Variants in COLEC12 observed in about 807,000 individuals in gnomAD.
COLEC12 encodes collectin subfamily member 12.
In COLEC12, 33 loss-of-function variants were observed where a neutral mutation model predicts 71.1. That is an observed-to-expected ratio of 0.46 (90% CI 0.35 to 0.62). The LOEUF is 0.62. Among genes scored for constraint, COLEC12 ranks in the 20% least tolerant of loss-of-function variants. The probability of loss-of-function intolerance (pLI) is 0.00; values close to 1 mark genes in which losing one functional copy is unlikely to be tolerated. For missense variants in COLEC12, 765 were observed against 916.1 expected, an observed-to-expected ratio of 0.84 and a Z score of 2.13; for synonymous variants, 350 against 353.0, an observed-to-expected ratio of 0.99 and a Z score of 0.10.
chr18:438,781 C>T (rs9945932), intron 2 of COLEC12, among the ~76,000 whole-genome samples: 4,522 of 142,342 alleles, frequency 0.032, 252 homozygotes, highest in African/African-American at 0.11. Context: ...GCAGCCTGGG[C>T]GACAGAATAA....
intron 2 of COLEC12, among the ~76,000 whole-genome samples, chr18:394,341 C>G (rs55639531): frequency 0.21 from 32,485 of 152,124 alleles, 4,303 homozygotes; most frequent in South Asian, 0.39. Flanking sequence ...ATTATTTGAT[C>G]CATTTTCTAA....
intron 1 of COLEC12, among the ~76,000 whole-genome samples, chr18:499,500 A>T (rs1463418783): frequency 2.6e-5 from 4 of 152,212 alleles, no homozygotes; most frequent in Non-Finnish European, 4.4e-5. Context: ...TAGAAGTCAA[A>T]GCGATTGCAT....
chr18:438,215 T>G (rs1416490412), intron 2 of COLEC12, among the ~76,000 whole-genome samples: 1 of 152,200 alleles, frequency 6.6e-6, no homozygotes, highest in Admixed American at 6.5e-5. Flanking sequence ...AAAGTCAAAG[T>G]GCCAGCATAA....
intron 8 of COLEC12, among the ~76,000 whole-genome samples, chr18:322,389 C>G (rs554043130): frequency 6.6e-6 from 1 of 152,292 alleles, no homozygotes; most frequent in East Asian, 1.9e-4. Context: ...AGGTTGATTG[C>G]TTTAGAAAGA....
chr18:406,515 C>CAAAAAAAAAAAAAAAAAA (rs34263909), intron 2 of COLEC12, among the ~76,000 whole-genome samples: 4 of 90,456 alleles, frequency 4.4e-5, no homozygotes, highest in African/African-American at 1.9e-4. Context: ...GACTCCGTCT[C>CAAAAAAAAAAAAAAAAAA]AAAAAAAAAA....
In COLEC12 at chr18:407,379, C is replaced by T. The variant is rs546942670; in HGVS notation, c.59-49857G>A. Among the ~76,000 whole-genome samples, 4 of 152,200 alleles carry T rather than the reference C, an allele frequency of 2.6e-5. No homozygotes were observed. The South Asian group carries it at 8.3e-4, about 32-fold the overall frequency. ...ATGCAGTTACGAAGCCTGGTAAGTA[C>T]CAAGATCTGCAGTCGGCAAGCTGGA... is the stretch of plus-strand genomic sequence containing the variant. On this transcript the variant is annotated intron_variant, in intron 2 of 9. Transcript: ENST00000400256.
At chr18:482,488 C>G (rs1326162972) in intron 1 of COLEC12, among the ~76,000 whole-genome samples, 2 of 152,142 alleles carry the variant, frequency 1.3e-5, no homozygotes, top group African/African-American at 4.8e-5. Flanking sequence ...GGGTCCATTA[C>G]TGCCCCAGCA....
intron 1 of COLEC12, among the ~76,000 whole-genome samples, chr18:488,080 T>C (rs1917552450): frequency 6.6e-6 from 1 of 151,768 alleles, no homozygotes; most frequent in South Asian, 2.1e-4. Flanking sequence ...GAGAAAATAA[T>C]ATATCTGGAA....
In COLEC12 at chr18:500,473, C is replaced by G. The variant is rs763953965; in HGVS notation, c.7+35G>C. The G allele has an allele frequency of 4.6e-5, 56 of 1,225,704 alleles. No homozygotes were observed. The South Asian group carries it at 1.7e-3, about 38-fold the overall frequency. 75.9% of individuals were successfully genotyped at this position (1,225,704 alleles called of 1,614,324 possible). A position where few individuals can be genotyped will look rare whatever the true frequency, so the allele number is the denominator to read the frequency against. On this transcript the variant is annotated intron_variant, in intron 1 of 9. Transcript: ENST00000400256. The surrounding 1 kb of genome is among the most constrained non-coding windows in gnomAD (Gnocchi z 5.3). ...CCGCGCGCCCCGAAGCCCGTTCCCC[C>G]CGCCCAGAGCCCCGCGGAGCTGCCG...
At chr18:371,380 C>G (rs1567887717) in intron 2 of COLEC12, among the ~76,000 whole-genome samples, 1 of 152,068 alleles carries the variant, frequency 6.6e-6, no homozygotes, top group Non-Finnish European at 1.5e-5. Context: ...ACTTTGAGCC[C>G]GTGGAAGATC....
chr18:439,761 CATT>C (rs1387969519), intron 2 of COLEC12, among the ~76,000 whole-genome samples: 9 of 151,998 alleles, frequency 5.9e-5, no homozygotes, highest in Non-Finnish European at 1.3e-4. Context: ...TTGGTGCAGT[CATT>C]ATGGAAAATA....
intron 2 of COLEC12, among the ~76,000 whole-genome samples, chr18:472,933 G>A (rs540086069): frequency 6.6e-6 from 1 of 151,802 alleles, no homozygotes; most frequent in Non-Finnish European, 1.5e-5. Flanking sequence ...GGAGGGGTGG[G>A]AGCAGTCAGC....
chr18:416,764 A>C lies in COLEC12; in HGVS notation c.59-59242T>G, dbSNP rs539555324. Among the ~76,000 whole-genome samples, 580 of 151,354 alleles carry C rather than the reference A, an allele frequency of 3.8e-3. 1 individual carries two copies. Among genetic ancestry groups the C allele is most frequent in the Non-Finnish European group, 7.1e-3 (483 of 67,860 alleles). ...AAGGTCCTTCAGGTCTCTGTACTTA[A>C]AGTTTTAAAATATAATATAATAATT... On this transcript the variant is annotated intron_variant, in intron 2 of 9. Coordinates refer to ENST00000400256, the MANE Select transcript of COLEC12 (RefSeq NM_130386.3).
At chr18:400,254 C>CAT (rs897740976) in intron 2 of COLEC12, among the ~76,000 whole-genome samples, 22 of 152,158 alleles carry the variant, frequency 1.4e-4, no homozygotes, top group African/African-American at 5.3e-4. Flanking sequence ...TGGTCCAACT[C>CAT]ATGCCAATTG....
intron 2 of COLEC12, among the ~76,000 whole-genome samples, chr18:358,234 C>T (rs1314446009): frequency 6.6e-6 from 1 of 152,170 alleles, no homozygotes; most frequent in Non-Finnish European, 1.5e-5. Context: ...TATAGACCAG[C>T]GGTCCCCATC....
chr18:374,414 C>T (rs989319323), intron 2 of COLEC12, among the ~76,000 whole-genome samples: 2 of 151,678 alleles, frequency 1.3e-5, no homozygotes, highest in South Asian at 2.1e-4. Context: ...CCTGCAATTG[C>T]AATCAAGCCA....
At chr18:389,882 G>A (rs1915425708) in intron 2 of COLEC12, among the ~76,000 whole-genome samples, 1 of 152,162 alleles carries the variant, frequency 6.6e-6, no homozygotes, top group Admixed American at 6.5e-5. Context: ...CGGCTTTCTC[G>A]TGGTCAAACC....
rs956154422 is a variant in COLEC12 at position 362,622 on chromosome 18, A to G, written c.59-5100T>C. 1.3e-5 allele frequency among the ~76,000 whole-genome samples: 2 copies of G among 152,152 alleles called. No homozygotes were observed. The highest frequency in any genetic ancestry group is 4.8e-5 in the African/African-American group (2 of 41,440). On this transcript the variant is annotated intron_variant, in intron 2 of 9. Coordinates refer to ENST00000400256, the MANE Select transcript of COLEC12 (RefSeq NM_130386.3). This position sits in a 1 kb window ranked among gnomAD's most constrained non-coding sequence, Gnocchi z 4.6. Reference sequence around the variant, plus strand: ...AGGGAAGGAAGGGCTGGGGACTGATATACAGAGTGCTGCAGAGGAGAGATT... The same window carrying G: ...AGGGAAGGAAGGGCTGGGGACTGATGTACAGAGTGCTGCAGAGGAGAGATT...
At chr18:391,568 G>A (rs1249928284) in intron 2 of COLEC12, among the ~76,000 whole-genome samples, 2 of 152,122 alleles carry the variant, frequency 1.3e-5, no homozygotes, top group African/African-American at 2.4e-5. Context: ...AAGTACTCTT[G>A]TTGATTGGGA....
Sources: gnomAD v4.1 joint callset for allele counts (sites outside exome capture counted in the v4.1 genomes callset) on GRCh38, gnomAD v4.1.1 for gene constraint, Gnocchi (gnomAD v3.1) non-coding constraint, MANE v1.5 for transcripts, NCBI Gene and HGNC (gene_info 2026-07-23, HGNC 2026-07-21) for gene names.